ATP10B: variants seen among roughly 807,000 people sequenced by gnomAD.
The protein encoded by ATP10B is phospholipid-transporting ATPase VB.
Under a neutral mutation model 141.2 loss-of-function variants are expected in ATP10B, and 122 were observed. The observed-to-expected ratio is 0.86, with a 90% CI of 0.75 to 1.00. The LOEUF (loss-of-function observed/expected upper bound fraction) is 1.00. ATP10B is among the 50% of genes least tolerant of loss of function. The pLI is 0.00. For synonymous variants in ATP10B, 685 were observed against 692.0 expected, an observed-to-expected ratio of 0.99 and a Z score of 0.16; for missense variants, 1,876 against 1,825.3, an observed-to-expected ratio of 1.03 and a Z score of -0.51.
chr5:160,615,405 C>T (rs1757942384), intron 17 of ATP10B, among the ~76,000 whole-genome samples: 1 of 151,250 alleles, frequency 6.6e-6, no homozygotes, highest in East Asian at 1.9e-4. Context: ...ATCTGCTAGC[C>T]CAGCTCTCAC....
intron 6 of ATP10B, among the ~76,000 whole-genome samples, chr5:160,671,057 C>T (rs1053520606): frequency 6.1e-5 from 9 of 147,768 alleles, no homozygotes; most frequent in African/African-American, 1.5e-4. Flanking sequence ...CCCAGCTGCT[C>T]GGGAGGCTGA....
chr5:160,607,573 A>C (rs1455212307), intron 18 of ATP10B, among the ~76,000 whole-genome samples: 1 of 152,142 alleles, frequency 6.6e-6, no homozygotes, highest in Admixed American at 6.5e-5. Context: ...TTAGTAGTGG[A>C]GTCAGGATCA....
intron 1 of ATP10B, among the ~76,000 whole-genome samples, chr5:160,820,890 C>T (rs935366180): frequency 6.6e-6 from 1 of 151,948 alleles, no homozygotes. Context: ...AGGAACATAC[C>T]TCAACATAAT....
intron 21 of ATP10B, 90 bp downstream of exon 21, chr5:160,602,487 T>C: frequency 6.4e-7 from 1 of 1,561,386 alleles, no homozygotes; most frequent in Non-Finnish European, 8.8e-7. Flanking sequence ...TCCTTTATGC[T>C]GAGGTGCTTT....
intron 3 of ATP10B, among the ~76,000 whole-genome samples, chr5:160,694,190 A>G (rs1039691192): frequency 2.6e-5 from 4 of 152,178 alleles, no homozygotes; most frequent in African/African-American, 9.7e-5. Context: ...CCCTCCAAAT[A>G]AAATACTTCT....
At chr5:160,747,512 A>G (rs559354832) in intron 2 of ATP10B, among the ~76,000 whole-genome samples, 1 of 152,322 alleles carries the variant, frequency 6.6e-6, no homozygotes, top group South Asian at 2.1e-4. Context: ...ATCTAAAATA[A>G]TATGTCCTTA....
At chr5:160,674,600 G>A (rs78881009) in intron 6 of ATP10B, among the ~76,000 whole-genome samples, 2,367 of 152,258 alleles carry the variant, frequency 0.016, 62 homozygotes, top group African/African-American at 0.054. Flanking sequence ...ATGCAGTGGT[G>A]AAGAAATATT....
intron 7 of ATP10B, among the ~76,000 whole-genome samples, chr5:160,668,522 C>T (rs1450496723): frequency 3.9e-5 from 6 of 152,172 alleles, no homozygotes; most frequent in Non-Finnish European, 8.8e-5. Flanking sequence ...CAGATCTCAC[C>T]CTGCCTTTTT....
chr5:160,804,005 A>T (rs941466868), intron 1 of ATP10B, among the ~76,000 whole-genome samples: 1 of 152,048 alleles, frequency 6.6e-6, no homozygotes, highest in Non-Finnish European at 1.5e-5. Context: ...CCTGACTGGA[A>T]CTGGAGTTAC....
chr5:160,755,623 G>T (rs1272021220), intron 2 of ATP10B, among the ~76,000 whole-genome samples: 2 of 149,208 alleles, frequency 1.3e-5, no homozygotes, highest in African/African-American at 4.9e-5. Flanking sequence ...AGACCATCCC[G>T]GCTAAAACGG....
chr5:160,649,089 ATTTG>A (rs769145919), intron 8 of ATP10B, 78 bp downstream of exon 8: 5 of 986,310 alleles, frequency 5.1e-6, no homozygotes, highest in Non-Finnish European at 4.7e-6. Flanking sequence ...GAAGATGCTT[ATTTG>A]TTTGGTCATT....
chr5:160,592,903 G>A (rs1968227), intron 22 of ATP10B, among the ~76,000 whole-genome samples: 117,778 of 152,204 alleles, frequency 0.77, 45,700 homozygotes, highest in East Asian at 0.85. Context: ...GGTAAATAAA[G>A]CAGCTGGGAA....
At chr5:160,652,648 T>G (rs953624345) in intron 7 of ATP10B, among the ~76,000 whole-genome samples, 1 of 135,416 alleles carries the variant, frequency 7.4e-6, no homozygotes, top group African/African-American at 2.8e-5. Flanking sequence ...TAAAATAAAA[T>G]TATATATGTA....
chr5:160,928,118 T>C, the ATP10B span, among the ~76,000 whole-genome samples: 1 of 152,152 alleles, frequency 6.6e-6, no homozygotes, highest in South Asian at 2.1e-4. Context: ...CAGTGAACCA[T>C]GCTTTGGAGG....
intron 18 of ATP10B, among the ~76,000 whole-genome samples, chr5:160,609,652 A>G (rs1485860751): frequency 6.6e-6 from 1 of 152,240 alleles, no homozygotes; most frequent in Non-Finnish European, 1.5e-5. Flanking sequence ...TGCTGGGATT[A>G]CAGGCGTGAG....
At chr5:160,777,417 A>C (rs1447588796) in intron 2 of ATP10B, among the ~76,000 whole-genome samples, 1 of 152,222 alleles carries the variant, frequency 6.6e-6, no homozygotes, top group African/African-American at 2.4e-5. Flanking sequence ...AAGAGTTCCT[A>C]CACTTGCTTC....
Position 160,632,540 on chromosome 5 carries a change from C to T in ATP10B, c.1382-173G>A, listed in dbSNP as rs1759010250. The T allele has an allele frequency of 1.8e-5, 10 of 567,142 alleles. No individual in the cohort carries two copies. In the Admixed American group the frequency reaches 2.4e-4, roughly 13 times the overall value. 35.1% of individuals were successfully genotyped at this position (567,142 alleles called of 1,614,324 possible). ...GAAAGAAGGGTAAAACTAAGTCCCA[C>T]AGATTCAAACTCTAGTGGACTACCT... is the stretch of plus-strand genomic sequence containing the variant. On this transcript the variant is annotated intron_variant, in intron 12 of 25. Coordinates refer to ENST00000327245, the MANE Select transcript of ATP10B (RefSeq NM_025153.3).
At chr5:160,808,638 A>G (rs1421471365) in intron 1 of ATP10B, among the ~76,000 whole-genome samples, 1 of 152,196 alleles carries the variant, frequency 6.6e-6, no homozygotes, top group Non-Finnish European at 1.5e-5. Context: ...AACTCTTGGT[A>G]TGACTGGATC....
At chr5:160,639,445 G>T (rs1025487937) in intron 10 of ATP10B, among the ~76,000 whole-genome samples, 10 of 152,190 alleles carry the variant, frequency 6.6e-5, no homozygotes, top group Non-Finnish European at 1.5e-4. Context: ...AATCACAGGT[G>T]TCTTGTAAAA....
Sources: gnomAD v4.1 joint callset for allele counts (sites outside exome capture counted in the v4.1 genomes callset) on GRCh38, gnomAD v4.1.1 for gene constraint, MANE v1.5 for transcripts, NCBI Gene and HGNC (gene_info 2026-07-23, HGNC 2026-07-21) for gene names.